The following SMCP variants were observed in gnomAD, a reference collection of about 807,000 sequenced individuals.
SMCP encodes the protein sperm mitochondrial-associated cysteine-rich protein.
For synonymous variants in SMCP, 41 were observed against 46.9 expected (o/e 0.87, Z 0.51); for missense variants, 137 against 137.1 (o/e 1.00, Z 0.01).
At chr1:152,884,326 T>C (rs961266905) in intron 1 of SMCP, 77 bp from the exon 2 acceptor site, 10 of 1,214,192 alleles carry the variant, frequency 8.2e-6, no homozygotes, top group African/African-American at 3.0e-5. Context: ...ATGGATGTAT[T>C]TGGGTGTCAA....
intron 1 of SMCP, among the ~76,000 whole-genome samples, chr1:152,879,947 C>T (rs1423150668): frequency 6.6e-6 from 1 of 152,106 alleles, no homozygotes. Context: ...TCTGTAGAAA[C>T]AGCTCAGTCT....
intron 1 of SMCP, among the ~76,000 whole-genome samples, chr1:152,880,212 C>T (rs758591680): frequency 2.0e-5 from 3 of 152,132 alleles, no homozygotes; most frequent in Non-Finnish European, 4.4e-5. Flanking sequence ...TCCCTCGTCC[C>T]TCTCAAAACC....
At chr1:152,883,105 C>A (rs1649106952) in intron 1 of SMCP, among the ~76,000 whole-genome samples, 1 of 152,138 alleles carries the variant, frequency 6.6e-6, no homozygotes, top group African/African-American at 2.4e-5. Context: ...TCTCACAATC[C>A]CAAGGATGCC....
chr1:152,882,945 G>A (rs776014673), intron 1 of SMCP, among the ~76,000 whole-genome samples: 3 of 152,356 alleles, frequency 2.0e-5, no homozygotes, highest in Admixed American at 6.5e-5. Context: ...TCCGGAGGCC[G>A]AGGCAGGAGA....
chr1:152,881,955 T>TATTTC (rs1649068135), intron 1 of SMCP, among the ~76,000 whole-genome samples: 1 of 151,962 alleles, frequency 6.6e-6, no homozygotes, highest in South Asian at 2.1e-4. Context: ...CCCCAGAAAT[T>TATTTC]ATTTTATTTT....
Position 152,884,871 on chromosome 1 carries a change from A to G in SMCP, c.*98A>G. 9.0e-7 allele frequency: 1 copy of G among 1,111,230 alleles called. No homozygotes were observed. Among genetic ancestry groups the G allele is most frequent in the South Asian group, 1.6e-5 (1 of 63,576 alleles). The allele number at this position is 1,111,230 out of a possible 1,614,324, so 68.8% of individuals were successfully genotyped here. On this transcript the variant is annotated 3_prime_UTR_variant, in exon 2 of 2. Coordinates refer to ENST00000368765, the MANE Select transcript of SMCP (RefSeq NM_030663.3). ...AGAGTCAGGCTAGACCTGTGTTTAG[A>G]GAAGCAGTTTTCACAGTGACTACCA...
Position 152,880,083 on chromosome 1 carries a change from G to A in SMCP, c.-21+1637G>A, listed in dbSNP as rs147071191. Among the ~76,000 whole-genome samples, 145 of 152,166 alleles carry A rather than the reference G, an allele frequency of 9.5e-4. 1 individual carries two copies. The highest frequency in any genetic ancestry group is 3.3e-3 in the African/African-American group (135 of 41,524). On this transcript the variant is annotated intron_variant, in intron 1 of 1. Transcript: ENST00000368765. The stretch of plus-strand genomic sequence containing the variant: ...TAAACCAGAGACAAAAGACAGAAAG[G>A]TAGAGACAGAATGAAGACCAGAGAA...
At position 152,884,736 on chromosome 1, in the gene SMCP, C is replaced by T. The variant is rs758531808; in HGVS notation, c.314C>T (p.Pro105Leu). 9.3e-6 allele frequency: 15 copies of T among 1,614,170 alleles called. No individual in the cohort carries two copies. Among genetic ancestry groups the T allele is most frequent in the Non-Finnish European group, 1.3e-5 (15 of 1,180,040 alleles). The change falls in exon 2 of 2, where the codon CCC becomes CTC. Residue 105 changes from proline to leucine, a missense_variant. By Grantham distance (98) the Pro-to-Leu change is moderately conservative. Coordinates refer to ENST00000368765, the MANE Select transcript of SMCP (RefSeq NM_030663.3). ...AAGGGCTGTCAAACCCAGCAGCAGC[C>T]CCATAGCCCACAAAATGAGTCCAGG... The part of the protein sequence containing the change: ...QDKGCQTQQQ[P>L]HSPQNESRPS...
chr1:152,879,517 G>T (rs1158993899), intron 1 of SMCP, among the ~76,000 whole-genome samples: 2 of 152,168 alleles, frequency 1.3e-5, no homozygotes, highest in Non-Finnish European at 2.9e-5. Flanking sequence ...CATTGTGCCC[G>T]GCCAAGGAGA....
chr1:152,881,142 A>G (rs1272327335), intron 1 of SMCP, among the ~76,000 whole-genome samples: 5 of 152,026 alleles, frequency 3.3e-5, no homozygotes, highest in Non-Finnish European at 7.4e-5. Flanking sequence ...CCCAGTTTGT[A>G]CACTATGAAC....
chr1:152,883,209 C>G (rs1481565979), intron 1 of SMCP, among the ~76,000 whole-genome samples: 1 of 152,212 alleles, frequency 6.6e-6, no homozygotes, highest in Non-Finnish European at 1.5e-5. Flanking sequence ...TCTGACAGGC[C>G]TGGCACCTCC....
rs999978620 is a variant in SMCP, at chr1:152,885,045, G to C, written c.*272G>C. Reference sequence around the variant, plus strand: ...GCACAGAAATAAAGAGCAATAAAAAGAACATTGCCTCCGTTTGTTCCTTTA... The same window carrying C: ...GCACAGAAATAAAGAGCAATAAAAACAACATTGCCTCCGTTTGTTCCTTTA... On this transcript the variant is annotated 3_prime_UTR_variant, in exon 2 of 2. Transcript: ENST00000368765. 8.8e-6 allele frequency: 4 copies of C among 452,964 alleles called. No homozygotes were observed. Among genetic ancestry groups the C allele is most frequent in the Non-Finnish European group, 1.6e-5 (4 of 253,058 alleles). 28.1% of individuals were successfully genotyped at this position (452,964 alleles called of 1,614,324 possible). A position where few individuals can be genotyped will look rare whatever the true frequency, so the allele number is the denominator to read the frequency against.
In SMCP at chr1:152,884,792, AAAG is replaced by A. The variant is rs749787056; in HGVS notation, c.*26_*28del. Reference sequence around the variant, plus strand: ...CAAATGAGAGCAGAAGAAGTCAAACAAAGAAGAAGTCCCTGGGGCCATGCCTTT... The same window carrying A: ...CAAATGAGAGCAGAAGAAGTCAAACAAAGAAGTCCCTGGGGCCATGCCTTT... On this transcript the variant is annotated 3_prime_UTR_variant, in exon 2 of 2. Transcript: ENST00000368765. 20 of 1,602,432 alleles carry A rather than the reference AAAG, an allele frequency of 1.2e-5. No individual in the cohort carries two copies. The highest frequency in any genetic ancestry group is 6.7e-5 in the African/African-American group (5 of 74,512).
chr1:152,882,535 T>C (rs1041905166), intron 1 of SMCP, among the ~76,000 whole-genome samples: 2 of 152,172 alleles, frequency 1.3e-5, no homozygotes, highest in African/African-American at 2.4e-5. Context: ...TGGCTCTAAC[T>C]GTAAAGACTC....
In SMCP at chr1:152,884,952, C is replaced by T. The variant is rs1432079629; in HGVS notation, c.*179C>T. 3.3e-6 allele frequency: 2 copies of T among 613,762 alleles called. No individual in the cohort carries two copies. The highest frequency in any genetic ancestry group is 2.9e-6 in the Non-Finnish European group (1 of 343,870). The allele number at this position is 613,762 out of a possible 1,614,324, so 38.0% of individuals were successfully genotyped here. ...ATCATAGCTCCCTACCCTAGGGAGGCCTCCATCTGGAAATGGGAGGATGAA... is the reference window on the plus strand; with the variant it reads ...ATCATAGCTCCCTACCCTAGGGAGGTCTCCATCTGGAAATGGGAGGATGAA... On this transcript the variant is annotated 3_prime_UTR_variant, in exon 2 of 2. Coordinates refer to ENST00000368765, the MANE Select transcript of SMCP (RefSeq NM_030663.3).
intron 1 of SMCP, 75 bp from the exon 2 acceptor site, chr1:152,884,328 G>T: frequency 8.2e-7 from 1 of 1,218,186 alleles, no homozygotes; most frequent in Non-Finnish European, 1.2e-6. Flanking sequence ...GGATGTATTT[G>T]GGTGTCAAGA....
rs112556358 is a variant in SMCP at position 152,884,499 on chromosome 1, G to A, written c.77G>A (p.Cys26Tyr). Reference protein sequence around the residue: ...NQCCPPQQNQCCQSKGNQCCP... With the variant: ...NQCCPPQQNQYCQSKGNQCCP... ...TGCTGCCCACCACAGCAGAACCAGTGCTGCCAGTCAAAAGGCAATCAATGC... is the reference window on the plus strand; with the variant it reads ...TGCTGCCCACCACAGCAGAACCAGTACTGCCAGTCAAAAGGCAATCAATGC... The change falls in exon 2 of 2, where the codon TGC becomes TAC. Residue 26 changes from cysteine (C) to tyrosine (Y), a missense_variant. Physicochemically the swap from Cys to Tyr is radical, Grantham distance 194. Coordinates refer to ENST00000368765, the MANE Select transcript of SMCP (RefSeq NM_030663.3). 1.9e-6 allele frequency: 3 copies of A among 1,613,990 alleles called. No homozygotes were observed. Among genetic ancestry groups the A allele is most frequent in the Admixed American group, 3.3e-5 (2 of 59,996 alleles).
At chr1:152,878,777 G>T (rs1648945274) in intron 1 of SMCP, among the ~76,000 whole-genome samples, 1 of 152,202 alleles carries the variant, frequency 6.6e-6, no homozygotes, top group African/African-American at 2.4e-5. Flanking sequence ...GGGAGATGGA[G>T]GTTTTGGGTT....
At chr1:152,883,028 G>C (rs1649104720) in intron 1 of SMCP, among the ~76,000 whole-genome samples, 1 of 152,206 alleles carries the variant, frequency 6.6e-6, no homozygotes. Flanking sequence ...TGGGTGACAA[G>C]AGCGAAGCTC....
Sources: allele counts gnomAD v4.1 joint callset (sites outside exome capture counted in the v4.1 genomes callset), GRCh38; gene constraint gnomAD v4.1.1; transcripts MANE v1.5; gene names NCBI Gene and HGNC (gene_info 2026-07-23, HGNC 2026-07-21).